Variants in CTNNA1 observed in about 807,000 individuals in gnomAD.
The protein encoded by CTNNA1 is catenin alpha 1.
A neutral mutation model predicts 98.4 loss-of-function variants in CTNNA1; 37 were observed. The ratio of observed to expected loss-of-function variants is 0.38; its 90% CI spans 0.29 to 0.49. The LOEUF (loss-of-function observed/expected upper bound fraction) is 0.49, where lower values mean the gene tolerates loss of function less well. Ranked by LOEUF, CTNNA1 falls within the 20% of genes least tolerant of loss-of-function variation. The pLI is 0.95. For synonymous variants in CTNNA1, 404 were observed against 413.2 expected (o/e 0.98, Z 0.27); for missense variants, 761 against 1,147.2 (o/e 0.66, Z 4.86).
rs558991544 is a variant in CTNNA1, at chr5:138,766,756, G to T, written c.-3+13246G>T. ...GCTTGGTTTGGGGCTCATGGAGTTT[G>T]AGGAACTCAGCTTTGCAGTTAAGTG... On this transcript the variant is annotated intron_variant, in intron 1 of 17. Transcript: ENST00000302763. 3.3e-5 allele frequency among the ~76,000 whole-genome samples: 5 copies of T among 152,216 alleles called. No individual in the cohort carries two copies. The South Asian group carries it at 1.0e-3, about 32-fold the overall frequency.
intron 7 of CTNNA1, among the ~76,000 whole-genome samples, chr5:138,840,751 G>C (rs1382320779): frequency 6.6e-6 from 1 of 151,078 alleles, no homozygotes; most frequent in Non-Finnish European, 1.5e-5. Flanking sequence ...TTAAAATTAG[G>C]TGTCTTAGAG....
In CTNNA1 at chr5:138,802,567, C is replaced by T. The variant is rs530310927; in HGVS notation, c.302-7471C>T. ...AACTGCCAAAAATTTTTAAAGGTTACGGGAGAATCATAATTCTCTGTGATT... is the reference window on the plus strand; with the variant it reads ...AACTGCCAAAAATTTTTAAAGGTTATGGGAGAATCATAATTCTCTGTGATT... On this transcript the variant is annotated intron_variant, in intron 3 of 17. Coordinates refer to ENST00000302763, the MANE Select transcript of CTNNA1 (RefSeq NM_001903.5). Among the ~76,000 whole-genome samples, 17 of 152,184 alleles carry T rather than the reference C, an allele frequency of 1.1e-4. No individual in the cohort carries two copies. In the East Asian group the frequency reaches 1.9e-3, roughly 17 times the overall value.
chr5:138,890,196 A>C (rs947919321), intron 9 of CTNNA1, among the ~76,000 whole-genome samples: 1 of 152,204 alleles, frequency 6.6e-6, no homozygotes, highest in African/African-American at 2.4e-5. Flanking sequence ...AGCCTCTGGC[A>C]AGAGAGGAGA....
At chr5:138,929,738 CAG>C (rs1400402890) in intron 14 of CTNNA1, among the ~76,000 whole-genome samples, 1 of 152,216 alleles carries the variant, frequency 6.6e-6, no homozygotes, top group African/African-American at 2.4e-5. Flanking sequence ...TAAAAAATAA[CAG>C]TGGTACATTC....
intron 11 of CTNNA1, among the ~76,000 whole-genome samples, chr5:138,922,613 G>A (rs1251177713): frequency 6.6e-6 from 1 of 152,134 alleles, no homozygotes; most frequent in African/African-American, 2.4e-5. Flanking sequence ...GTGGACCTAT[G>A]CTGTTTCCTT....
At chr5:138,769,877 G>A (rs181715258) in intron 1 of CTNNA1, among the ~76,000 whole-genome samples, 2 of 151,454 alleles carry the variant, frequency 1.3e-5, no homozygotes, top group African/African-American at 2.4e-5. Context: ...ACGGAGTTTC[G>A]GTCTTGTCGT....
intron 1 of CTNNA1, among the ~76,000 whole-genome samples, chr5:138,758,178 G>A (rs1212360302): frequency 6.6e-6 from 1 of 150,398 alleles, no homozygotes; most frequent in Non-Finnish European, 1.5e-5. Flanking sequence ...GGCTAATCTG[G>A]TATTTTAATT....
chr5:138,789,691 C>T (rs549211586), intron 3 of CTNNA1, among the ~76,000 whole-genome samples: 19 of 152,206 alleles, frequency 1.2e-4, no homozygotes, highest in African/African-American at 3.6e-4. Flanking sequence ...CTCCTGACCT[C>T]GTGATTCACC....
chr5:138,799,857 G>GATGTATGT (rs55698183), intron 3 of CTNNA1, among the ~76,000 whole-genome samples: 77,724 of 148,850 alleles, frequency 0.52, 20,706 homozygotes, highest in Admixed American at 0.62. Context: ...AGTAGATGTA[G>GATGTATGT]ATGTATGTAT....
chr5:138,859,194 A>G (rs1171388851), intron 7 of CTNNA1, among the ~76,000 whole-genome samples: 1 of 152,186 alleles, frequency 6.6e-6, no homozygotes, highest in African/African-American at 2.4e-5. Context: ...AGCTGACCAT[A>G]TTCCTATTTG....
At chr5:138,857,587 C>T (rs1364762239) in intron 7 of CTNNA1, among the ~76,000 whole-genome samples, 1 of 152,138 alleles carries the variant, frequency 6.6e-6, no homozygotes, top group East Asian at 1.9e-4. Context: ...AAAGTACTGG[C>T]ATTACAGATG....
chr5:138,764,256 C>T (rs754433070), intron 1 of CTNNA1, among the ~76,000 whole-genome samples: 3 of 151,860 alleles, frequency 2.0e-5, no homozygotes, highest in Non-Finnish European at 4.4e-5. Context: ...ATCCCAGTTA[C>T]TCGGGAGGCT....
chr5:138,844,123 C>T (rs1353583307), intron 7 of CTNNA1, among the ~76,000 whole-genome samples: 1 of 150,742 alleles, frequency 6.6e-6, no homozygotes, highest in Non-Finnish European at 1.5e-5. Flanking sequence ...AATGGCCACT[C>T]CATAGGCAGA....
intron 7 of CTNNA1, among the ~76,000 whole-genome samples, chr5:138,857,478 A>T (rs1016335967): frequency 1.3e-5 from 2 of 148,854 alleles, no homozygotes; most frequent in Admixed American, 6.7e-5. Flanking sequence ...TGCATTCGTT[A>T]AAAAAAAAAA....
chr5:138,834,119 C>G (rs1761547749), intron 7 of CTNNA1, among the ~76,000 whole-genome samples: 2 of 152,022 alleles, frequency 1.3e-5, no homozygotes, highest in Admixed American at 1.3e-4. Context: ...GATGTTAATC[C>G]TTTCTCAGTT....
At chr5:138,814,799 G>T (rs1014977219) in intron 5 of CTNNA1, among the ~76,000 whole-genome samples, 1 of 151,618 alleles carries the variant, frequency 6.6e-6, no homozygotes, top group South Asian at 2.1e-4. Context: ...TGTCGCCCAC[G>T]CTGGAGTGCA....
At chr5:138,807,815 T>C (rs1280544239) in intron 3 of CTNNA1, among the ~76,000 whole-genome samples, 1 of 152,140 alleles carries the variant, frequency 6.6e-6, no homozygotes, top group Non-Finnish European at 1.5e-5. Context: ...TGGCGTGTTC[T>C]CGGTTCACTG....
intron 1 of CTNNA1, among the ~76,000 whole-genome samples, chr5:138,765,019 G>T (rs1309849185): frequency 6.6e-6 from 1 of 151,646 alleles, no homozygotes; most frequent in East Asian, 1.9e-4. Context: ...GATTACAGGT[G>T]CCTGCCACCA....
intron 1 of CTNNA1, among the ~76,000 whole-genome samples, chr5:138,772,166 TTC>T (rs771100494): frequency 1.3e-5 from 2 of 152,252 alleles, no homozygotes; most frequent in Non-Finnish European, 2.9e-5. Context: ...GCTTCTCAAT[TTC>T]TCTTTCTGTT....
Sources: gnomAD v4.1 joint callset for allele counts (sites outside exome capture counted in the v4.1 genomes callset) on GRCh38, gnomAD v4.1.1 for gene constraint, MANE v1.5 for transcripts, NCBI Gene and HGNC (gene_info 2026-07-23, HGNC 2026-07-21) for gene names.